The following ZNF44 variants were observed in gnomAD, a reference collection of about 807,000 sequenced individuals.
ZNF44 encodes the protein zinc finger protein 44, also known as gonadotropin inducible transcription repressor-2.
ZNF44 carries 9 observed loss-of-function variants against 11.7 expected under a neutral mutation model. That is an observed-to-expected ratio of 0.77 (90% confidence interval 0.46 to 1.35). The LOEUF is 1.35. Ranked by LOEUF, ZNF44 falls within the 40% of genes most tolerant of loss-of-function variation. The pLI, the probability that ZNF44 is intolerant of heterozygous loss-of-function variation, is 0.00. For missense variants in ZNF44, 696 were observed against 743.1 expected, an observed-to-expected ratio of 0.94 and a Z score of 0.74; for synonymous variants, 224 against 242.7, an observed-to-expected ratio of 0.92 and a Z score of 0.72.
intron 3 of ZNF44, 58 bp from the exon 4 acceptor site, chr19:12,274,121 C>A: frequency 7.0e-7 from 1 of 1,438,204 alleles, no homozygotes; most frequent in South Asian, 1.3e-5. Flanking sequence ...TATTTATCAA[C>A]AGGTATTAGA....
At chr19:12,292,855 GTTTTTTTT>G (rs71166664) in intron 1 of ZNF44, among the ~76,000 whole-genome samples, 1 of 76,916 alleles carries the variant, frequency 1.3e-5, no homozygotes, top group Admixed American at 1.8e-4. Context: ...CAGAGGTTAG[GTTTTTTTT>G]TTTTTTTTTT....
intron 1 of ZNF44, among the ~76,000 whole-genome samples, chr19:12,288,463 G>C (rs1270067458): frequency 6.6e-6 from 1 of 151,952 alleles, no homozygotes. Flanking sequence ...GATTTAAGAG[G>C]CCAGGCACAG....
At chr19:12,279,099 T>G (rs1967360319) in intron 1 of ZNF44, among the ~76,000 whole-genome samples, 1 of 152,220 alleles carries the variant, frequency 6.6e-6, no homozygotes, top group Non-Finnish European at 1.5e-5. Context: ...GAACGCTGGA[T>G]GAACACAAGC....
intron 1 of ZNF44, among the ~76,000 whole-genome samples, chr19:12,292,305 G>GGCCTGGGGATAAGATC (rs1555745418): frequency 6.6e-6 from 1 of 151,000 alleles, no homozygotes; most frequent in Non-Finnish European, 1.5e-5. Flanking sequence ...GGGAGACCCT[G>GGCCTGGGGATAAGATC]TCTTATAAAA....
At chr19:12,250,163 T>A in intron 6 of ZNF44, 1 of 1,268,772 alleles carries the variant, frequency 7.9e-7, no homozygotes, top group Non-Finnish European at 1.0e-6. Context: ...ACATTCCACA[T>A]CTTGGAATAG....
intron 5 of ZNF44, among the ~76,000 whole-genome samples, chr19:12,257,378 G>A (rs751158140): frequency 1.3e-4 from 20 of 152,046 alleles, no homozygotes; most frequent in East Asian, 3.9e-4. Flanking sequence ...GGCTGGGTGC[G>A]GTGGCTCACA....
intron 5 of ZNF44, among the ~76,000 whole-genome samples, chr19:12,260,907 G>A (rs1917481763): frequency 6.6e-6 from 1 of 152,206 alleles, no homozygotes; most frequent in Non-Finnish European, 1.5e-5. Context: ...AGACCCATGA[G>A]TGGTGGTCAA....
intron 5 of ZNF44, among the ~76,000 whole-genome samples, chr19:12,261,565 G>A (rs186467345): frequency 3.7e-4 from 56 of 152,240 alleles, no homozygotes; most frequent in African/African-American, 1.3e-3. Flanking sequence ...TCAGTTCAAG[G>A]TTACAGAGAG....
chr19:12,281,744 T>C (rs1255983281), intron 1 of ZNF44, among the ~76,000 whole-genome samples: 1 of 152,058 alleles, frequency 6.6e-6, no homozygotes, highest in Non-Finnish European at 1.5e-5. Flanking sequence ...TAAAAAACTA[T>C]TAGGAACAAC....
chr19:12,250,045 T>C, intron 6 of ZNF44: 6 of 1,278,552 alleles, frequency 4.7e-6, no homozygotes, highest in South Asian at 1.3e-5. Context: ...GTTCCTGAAA[T>C]GCAGACCCAG....
At chr19:12,254,531 G>C (rs922332859) in intron 5 of ZNF44, among the ~76,000 whole-genome samples, 3 of 152,032 alleles carry the variant, frequency 2.0e-5, no homozygotes, top group East Asian at 3.9e-4. Context: ...TCAGGAGTTC[G>C]AGACTACTCT....
intron 5 of ZNF44, among the ~76,000 whole-genome samples, chr19:12,251,513 A>G (rs1023059065): frequency 1.4e-4 from 21 of 151,896 alleles, no homozygotes; most frequent in Non-Finnish European, 2.5e-4. Flanking sequence ...TTTATCAGAG[A>G]CTTATTTCTT....
At chr19:12,293,097 T>A in intron 1 of ZNF44, 1 of 1,050,436 alleles carries the variant, frequency 9.5e-7, no homozygotes, top group South Asian at 1.7e-5. Flanking sequence ...CTTGAACCCC[T>A]GACCTCAGGT....
Position 12,272,430 on chromosome 19 carries a change from TC to T in ZNF44, c.1824del (p.Thr609HisfsTer39). ...ACTTATAGAATATCCTTCCAGTGTGTCCTTTTATGTCTATTAAAGGAACTGA... is the reference window on the plus strand; with the variant it reads ...ACTTATAGAATATCCTTCCAGTGTGTCTTTTATGTCTATTAAAGGAACTGA... ...SSLSSFNRHK[R>X]THWKDIL is the part of the protein sequence containing the mutation. On this transcript the variant is annotated frameshift_variant, in exon 4 of 4. Coordinates refer to ENST00000355684, the MANE Select transcript of ZNF44 (RefSeq NM_016264.4). LOFTEE classifies it low-confidence loss of function (END_TRUNC). 6.4e-7 allele frequency: 1 copy of T among 1,560,728 alleles called. No individual in the cohort carries two copies. The highest frequency in any genetic ancestry group is 8.6e-7 in the Non-Finnish European group (1 of 1,158,440).
At chr19:12,263,286 A>G (rs1324397775) in intron 5 of ZNF44, among the ~76,000 whole-genome samples, 2 of 151,712 alleles carry the variant, frequency 1.3e-5, no homozygotes, top group Middle Eastern at 3.2e-3. Flanking sequence ...GGGTTTCTCC[A>G]TGTTGGTCAG....
downstream of ZNF44, chr19:12,226,131 C>G (rs539571900): frequency 2.0e-5 from 3 of 152,126 alleles, no homozygotes; most frequent in African/African-American, 7.2e-5. Flanking sequence ...CTTTATTATA[C>G]TTGGCTTAGT....
chr19:12,276,304 T>A, intron 1 of ZNF44: 1 of 621,900 alleles, frequency 1.6e-6, no homozygotes, highest in South Asian at 1.5e-5. Flanking sequence ...ACATATCTCT[T>A]ATTGGTGAAT....
intron 1 of ZNF44, among the ~76,000 whole-genome samples, chr19:12,280,323 A>G (rs1967422388): frequency 6.6e-6 from 1 of 152,220 alleles, no homozygotes; most frequent in African/African-American, 2.4e-5. Context: ...AGAACAGTCT[A>G]TCACACTTCG....
intron 2 of ZNF44, among the ~76,000 whole-genome samples, chr19:12,233,825 A>T (rs1916263628): frequency 6.6e-6 from 1 of 152,098 alleles, no homozygotes; most frequent in Non-Finnish European, 1.5e-5. Flanking sequence ...GCACTTTGGG[A>T]GACCGAGGCA....
Sources: gnomAD v4.1 joint callset for allele counts (sites outside exome capture counted in the v4.1 genomes callset) on GRCh38, gnomAD v4.1.1 for gene constraint, MANE v1.5 for transcripts, NCBI Gene and HGNC (gene_info 2026-07-23, HGNC 2026-07-21) for gene names.